C7orf33: variants seen among roughly 807,000 people sequenced by gnomAD.
C7orf33 encodes the protein uncharacterized protein C7orf33.
In C7orf33, 15 loss-of-function variants were observed where a neutral mutation model predicts 13.4. The ratio of observed to expected loss-of-function variants is 1.12; its 90% CI spans 0.75 to 1.72. C7orf33 has a LOEUF of 1.72. Among genes scored for constraint, C7orf33 ranks in the 40% most tolerant of loss-of-function variants. The pLI is 0.00. For missense variants in C7orf33, 187 were observed against 220.3 expected (o/e 0.85, Z 0.96); for synonymous variants, 73 against 83.2 (o/e 0.88, Z 0.67).
intron 1 of C7orf33, among the ~76,000 whole-genome samples, chr7:148,592,450 C>T (rs1391949003): frequency 6.6e-6 from 1 of 152,024 alleles, no homozygotes; most frequent in African/African-American, 2.4e-5. Flanking sequence ...AAAAGATTAT[C>T]ACTGCCTAAA....
intron 1 of C7orf33, among the ~76,000 whole-genome samples, chr7:148,594,253 G>A (rs955776105): frequency 7.5e-5 from 11 of 147,472 alleles, no homozygotes; most frequent in African/African-American, 2.8e-4. Flanking sequence ...TTGGCTCACT[G>A]CAAGCTCCGC....
intron 1 of C7orf33, among the ~76,000 whole-genome samples, chr7:148,610,729 A>G (rs1248232765): frequency 6.6e-6 from 1 of 152,128 alleles, no homozygotes; most frequent in East Asian, 1.9e-4. Context: ...CAAATTTTAC[A>G]TAGTATGGGG....
intron 1 of C7orf33, among the ~76,000 whole-genome samples, chr7:148,598,747 TATATATATATATATATAGAGAGAG>T (rs1187737619): frequency 5.0e-4 from 36 of 71,450 alleles, no homozygotes; most frequent in African/African-American, 1.9e-3. Flanking sequence ...TATATATATA[TATATATATATATATATAGAGAGAG>T]AGAGAGAGAG....
chr7:148,612,317 A>G lies in C7orf33; in HGVS notation c.205-1725A>G, dbSNP rs150752007. Among the ~76,000 whole-genome samples the G allele has an allele frequency of 1.5e-4, 23 of 152,330 alleles. No individual in the cohort carries two copies. In the East Asian group the frequency reaches 4.2e-3, roughly 28 times the overall value. On this transcript the variant is annotated intron_variant, in intron 1 of 2. Transcript: ENST00000307003. The stretch of plus-strand genomic sequence containing the variant: ...ACTTCCCATCAGATCTATAAGTTGA[A>G]ACTCTTTCATCTCTACCTTGAAGAG...
In C7orf33 at chr7:148,615,353, C is replaced by G; in HGVS notation, c.486C>G (p.Leu162=). 1 of 1,613,570 alleles carries G rather than the reference C, an allele frequency of 6.2e-7. No homozygotes were observed. The highest frequency in any genetic ancestry group is 8.5e-7 in the Non-Finnish European group (1 of 1,179,546). ...LNVRGHEVRK[L]QNSVEATRIS... ...TACGTGGGCATGAAGTAAGAAAGCT[C>G]CAGAATTCTGTTGAGGCCACAAGGA... Residue 162 remains leucine (L), a synonymous_variant, in exon 3 of 3, where the codon CTC becomes CTG. Transcript: ENST00000307003.
At chr7:148,592,345 G>T (rs1796279953) in intron 1 of C7orf33, among the ~76,000 whole-genome samples, 1 of 152,124 alleles carries the variant, frequency 6.6e-6, no homozygotes, top group South Asian at 2.1e-4. Context: ...TACCTCCTCA[G>T]CCAGGGGTAC....
In C7orf33 at chr7:148,612,235, A is replaced by C. The variant is rs148143949; in HGVS notation, c.205-1807A>C. Among the ~76,000 whole-genome samples the C allele has an allele frequency of 1.4e-4, 21 of 151,910 alleles. No individual in the cohort carries two copies. In the East Asian group the frequency reaches 3.9e-3, roughly 28 times the overall value. ...TTTTAATTTCCATTGCTGTTTTCTT[A>C]TTTCTTGGTTCTAAGTATCTTATTT... On this transcript the variant is annotated intron_variant, in intron 1 of 2. Transcript: ENST00000307003.
chr7:148,599,124 A>G (rs1341790012), intron 1 of C7orf33, among the ~76,000 whole-genome samples: 1 of 151,986 alleles, frequency 6.6e-6, no homozygotes, highest in East Asian at 1.9e-4. Flanking sequence ...ACGCCTCCCA[A>G]AGTGCTGGGA....
chr7:148,607,494 T>G (rs538307122), intron 1 of C7orf33, among the ~76,000 whole-genome samples: 2 of 152,304 alleles, frequency 1.3e-5, no homozygotes, highest in East Asian at 1.9e-4. Flanking sequence ...TTCCCTAGAA[T>G]GTAGATTTAT....
chr7:148,600,184 C>G (rs1585458730), intron 1 of C7orf33, among the ~76,000 whole-genome samples: 1 of 152,134 alleles, frequency 6.6e-6, no homozygotes, highest in East Asian at 1.9e-4. Context: ...AAAATAGGCC[C>G]AGAGCTGGGC....
chr7:148,592,923 G>A (rs560699773), intron 1 of C7orf33, among the ~76,000 whole-genome samples: 6 of 150,422 alleles, frequency 4.0e-5, no homozygotes, highest in East Asian at 2.0e-4. Flanking sequence ...TCACTACAAC[G>A]TCCACCTCCT....
intron 1 of C7orf33, among the ~76,000 whole-genome samples, chr7:148,595,465 A>C (rs1357541415): frequency 7.7e-6 from 1 of 129,602 alleles, no homozygotes; most frequent in African/African-American, 3.1e-5. Context: ...ATAGCTATAT[A>C]TATGCTATTA....
At chr7:148,605,869 C>T (rs2116898143) in intron 1 of C7orf33, among the ~76,000 whole-genome samples, 1 of 152,330 alleles carries the variant, frequency 6.6e-6, no homozygotes, top group South Asian at 2.1e-4. Context: ...TAAATTCTTA[C>T]TGTTCAGCTA....
chr7:148,611,839 C>CAT (rs1796547142), intron 1 of C7orf33, among the ~76,000 whole-genome samples: 1 of 152,252 alleles, frequency 6.6e-6, no homozygotes, highest in Non-Finnish European at 1.5e-5. Context: ...GAGCCCAAAG[C>CAT]ATTCATCCCG....
intron 1 of C7orf33, among the ~76,000 whole-genome samples, chr7:148,609,496 T>C (rs1267101900): frequency 1.3e-5 from 2 of 152,214 alleles, no homozygotes; most frequent in African/African-American, 4.8e-5. Context: ...TTACCCTCAG[T>C]GATGTTAGCA....
At chr7:148,597,947 G>A (rs1796360544) in intron 1 of C7orf33, among the ~76,000 whole-genome samples, 3 of 152,062 alleles carry the variant, frequency 2.0e-5, no homozygotes, top group Admixed American at 2.0e-4. Context: ...AGTAGAGATG[G>A]GGTTTCACTG....
Position 148,600,799 on chromosome 7 carries a change from CTTT to C in C7orf33, c.204+9689_204+9691del, listed in dbSNP as rs11373798. 5.9e-3 allele frequency among the ~76,000 whole-genome samples: 610 copies of C among 103,638 alleles called. 2 individuals are homozygous for C. Among genetic ancestry groups the C allele is most frequent in the Middle Eastern group, 0.013 (2 of 152 alleles). 68.0% of individuals were successfully genotyped at this position (103,638 alleles called of 152,430 possible). A position where few individuals can be genotyped will look rare whatever the true frequency, so the allele number is the denominator to read the frequency against. On this transcript the variant is annotated intron_variant, in intron 1 of 2. Coordinates refer to ENST00000307003, the MANE Select transcript of C7orf33 (RefSeq NM_145304.4). ...TCTGCTTTCTCCATTTTATGGACTT[CTTT>C]TTTTTTTTTTTTTTTTTTGAGACGG...
At chr7:148,613,310 G>A (rs1011410831) in intron 1 of C7orf33, among the ~76,000 whole-genome samples, 2 of 152,118 alleles carry the variant, frequency 1.3e-5, no homozygotes, top group Non-Finnish European at 2.9e-5. Context: ...CTACTTCTAG[G>A]TATATACTCA....
In C7orf33 at chr7:148,591,022, A is replaced by C; in HGVS notation, c.97A>C (p.Arg33=). The change falls in exon 1 of 3, where the codon AGG becomes CGG. Residue 33 remains arginine (R), a synonymous_variant. Coordinates refer to ENST00000307003, the MANE Select transcript of C7orf33 (RefSeq NM_145304.4). ...ECEALLPSGA[R]RRIDLRLSGR... is the part of the protein sequence containing the mutation. ...TGAAGCCCTCCTGCCCAGTGGGGCA[A>C]GGCGCCGGATTGACCTTCGCCTGAG... 6.2e-7 allele frequency: 1 copy of C among 1,613,894 alleles called. No homozygotes were observed. The highest frequency in any genetic ancestry group is 8.5e-7 in the Non-Finnish European group (1 of 1,179,824).
Sources: gnomAD v4.1 joint callset for allele counts (sites outside exome capture counted in the v4.1 genomes callset) on GRCh38, gnomAD v4.1.1 for gene constraint, MANE v1.5 for transcripts, NCBI Gene and HGNC (gene_info 2026-07-23, HGNC 2026-07-21) for gene names.